The following STXBP6 variants were observed in gnomAD, a reference collection of about 807,000 sequenced individuals.
STXBP6 encodes syntaxin binding protein 6, also known as syntaxin-binding protein 6.
A neutral mutation model predicts 26.9 loss-of-function variants in STXBP6; 21 were observed. That is an observed-to-expected ratio of 0.78 (90% confidence interval 0.55 to 1.12). STXBP6 has a LOEUF of 1.12. Among genes scored for constraint, STXBP6 ranks in the 50% most tolerant of loss-of-function variants. STXBP6 has a pLI of 0.00. For missense variants in STXBP6, 232 were observed against 257.9 expected, an observed-to-expected ratio of 0.90 and a Z score of 0.69; for synonymous variants, 97 against 92.6, an observed-to-expected ratio of 1.05 and a Z score of -0.27.
chr14:24,849,319 TTAATA>T (rs1360964566), intron 4 of STXBP6, among the ~76,000 whole-genome samples: 15 of 152,112 alleles, frequency 9.9e-5, no homozygotes, highest in African/African-American at 3.4e-4. Flanking sequence ...GTGTACATGA[TTAATA>T]TAATTATGTA....
intron 4 of STXBP6, among the ~76,000 whole-genome samples, chr14:24,822,895 T>C (rs2068178258): frequency 1.3e-5 from 2 of 152,194 alleles, no homozygotes; most frequent in Non-Finnish European, 2.9e-5. Flanking sequence ...AATCACGACA[T>C]GTTTTGTAAA....
At chr14:24,823,277 G>C (rs939601008) in intron 4 of STXBP6, among the ~76,000 whole-genome samples, 3 of 151,994 alleles carry the variant, frequency 2.0e-5, no homozygotes, top group African/African-American at 7.2e-5. Context: ...CAGTCACTGA[G>C]AACACAATGA....
intron 2 of STXBP6, among the ~76,000 whole-genome samples, chr14:24,963,450 G>T (rs2073619228): frequency 6.6e-6 from 1 of 151,978 alleles, no homozygotes; most frequent in Non-Finnish European, 1.5e-5. Context: ...GTAGCGTAAG[G>T]TCTACAACCT....
At chr14:25,048,958 A>G in intron 1 of STXBP6, 1 of 167,904 alleles carries the variant, frequency 6.0e-6, no homozygotes, top group Non-Finnish European at 1.2e-5. Context: ...CTGCGGACCT[A>G]CCGATCCTAT....
intron 1 of STXBP6, among the ~76,000 whole-genome samples, chr14:25,029,437 T>A (rs143347899): frequency 3.0e-4 from 46 of 152,284 alleles, no homozygotes; most frequent in African/African-American, 1.1e-3. Context: ...TTAATTCAGG[T>A]ATGTATTTTT....
intron 2 of STXBP6, chr14:24,878,847 T>G (rs1233222629): frequency 2.3e-6 from 1 of 444,008 alleles, no homozygotes; most frequent in Non-Finnish European, 4.5e-6. Context: ...CAATGCAAAT[T>G]AACAGGGAGC....
At chr14:24,836,606 CAAAAAAA>C (rs71449215) in intron 4 of STXBP6, among the ~76,000 whole-genome samples, 1 of 44,314 alleles carries the variant, frequency 2.3e-5, no homozygotes, top group African/African-American at 1.0e-4. Context: ...GACTCCCTCT[CAAAAAAA>C]AAAAAAAAAA....
intron 1 of STXBP6, among the ~76,000 whole-genome samples, chr14:25,048,747 C>T (rs1020951686): frequency 2.0e-5 from 3 of 152,198 alleles, no homozygotes; most frequent in Non-Finnish European, 4.4e-5. Flanking sequence ...TCCTCCACCC[C>T]CAGGGTGGCT....
chr14:24,964,989 A>G (rs576197384), intron 2 of STXBP6, among the ~76,000 whole-genome samples: 5 of 152,218 alleles, frequency 3.3e-5, no homozygotes, highest in African/African-American at 1.2e-4. Context: ...CACCCAATAT[A>G]CCCAGTATTG....
chr14:24,998,015 T>C (rs901357366), intron 1 of STXBP6, among the ~76,000 whole-genome samples: 2 of 152,160 alleles, frequency 1.3e-5, no homozygotes, highest in Admixed American at 6.5e-5. Flanking sequence ...ATAACCACCA[T>C]TGTGCATCTG....
intron 2 of STXBP6, among the ~76,000 whole-genome samples, chr14:24,884,817 C>T (rs892952357): frequency 1.3e-5 from 2 of 152,154 alleles, no homozygotes; most frequent in African/African-American, 4.8e-5. Context: ...ATGACAGGTA[C>T]ACTCAGTATG....
intron 2 of STXBP6, among the ~76,000 whole-genome samples, chr14:24,867,910 G>T (rs1444515474): frequency 6.6e-6 from 1 of 152,144 alleles, no homozygotes; most frequent in African/African-American, 2.4e-5. Context: ...TGATAAACTT[G>T]TATCTGCCGG....
intron 2 of STXBP6, among the ~76,000 whole-genome samples, chr14:24,858,132 CCA>C (rs1339776868): frequency 2.6e-5 from 4 of 152,046 alleles, no homozygotes; most frequent in Non-Finnish European, 5.9e-5. Context: ...TCGAATCACC[CCA>C]CAGATTCCAC....
At chr14:24,839,274 A>C (rs74947381) in intron 4 of STXBP6, among the ~76,000 whole-genome samples, 3,948 of 152,254 alleles carry the variant, frequency 0.026, 195 homozygotes, top group East Asian at 0.21. Context: ...AAAGGAATGG[A>C]ATTCCTTTCT....
chr14:24,850,168 T>C (rs1282436601), intron 4 of STXBP6, among the ~76,000 whole-genome samples: 1 of 152,134 alleles, frequency 6.6e-6, no homozygotes, highest in Non-Finnish European at 1.5e-5. Flanking sequence ...CACCTAGGGA[T>C]GACTTTGTAT....
chr14:25,009,678 T>C (rs1219142023), intron 1 of STXBP6, among the ~76,000 whole-genome samples: 2 of 152,176 alleles, frequency 1.3e-5, no homozygotes, highest in African/African-American at 4.8e-5. Flanking sequence ...CTAGTCCCAC[T>C]GGTTTCTGTT....
chr14:24,915,767 T>C (rs1474546836), intron 2 of STXBP6, among the ~76,000 whole-genome samples: 1 of 152,126 alleles, frequency 6.6e-6, no homozygotes, highest in Non-Finnish European at 1.5e-5. Flanking sequence ...AATGAATCAA[T>C]CAATCAATCA....
At chr14:24,914,532 C>A (rs1040007260) in intron 2 of STXBP6, among the ~76,000 whole-genome samples, 3 of 152,102 alleles carry the variant, frequency 2.0e-5, no homozygotes, top group Non-Finnish European at 4.4e-5. Flanking sequence ...ATTATCCTCC[C>A]CCTTCCTAAA....
intron 1 of STXBP6, among the ~76,000 whole-genome samples, chr14:25,041,076 C>T (rs2075634928): frequency 6.6e-6 from 1 of 152,252 alleles, no homozygotes; most frequent in South Asian, 2.1e-4. Flanking sequence ...AATCCCAGCA[C>T]TTTGGGAGGC....
Sources: gnomAD v4.1 joint callset for allele counts (sites outside exome capture counted in the v4.1 genomes callset) on GRCh38, gnomAD v4.1.1 for gene constraint, MANE v1.5 for transcripts, NCBI Gene and HGNC (gene_info 2026-07-23, HGNC 2026-07-21) for gene names.